ZNF33B: variants seen among roughly 807,000 people sequenced by gnomAD.
ZNF33B encodes zinc finger protein 11b (KOX 2).
In ZNF33B, 29 loss-of-function variants were observed where a neutral mutation model predicts 45.8. The observed-to-expected ratio is 0.63, with a 90% CI of 0.47 to 0.86. The LOEUF is 0.86. Among genes scored for constraint, ZNF33B ranks in the 40% least tolerant of loss-of-function variants. ZNF33B has a pLI of 0.00. For missense variants in ZNF33B, 831 were observed against 909.9 expected (o/e 0.91, Z 1.12); for synonymous variants, 305 against 307.8 (o/e 0.99, Z 0.10).
At chr10:42,604,682 G>A (rs901284184) in intron 4 of ZNF33B, among the ~76,000 whole-genome samples, 30 of 152,278 alleles carry the variant, frequency 2.0e-4, no homozygotes, top group African/African-American at 7.0e-4. Context: ...GGAGGCCAAG[G>A]CAAGCAAATC....
downstream of ZNF33B, among the ~76,000 whole-genome samples, chr10:42,587,036 T>A (rs1307496220): frequency 4.6e-5 from 7 of 152,070 alleles, no homozygotes; most frequent in Admixed American, 2.6e-4. Flanking sequence ...GGCCCTCACA[T>A]GTCAGAAAGG....
Position 42,592,956 on chromosome 10 carries a change from T to C in ZNF33B, c.1994A>G (p.Tyr665Cys). 1.2e-6 allele frequency: 2 copies of C among 1,613,810 alleles called. No homozygotes were observed. The highest frequency in any genetic ancestry group is 1.7e-6 in the Non-Finnish European group (2 of 1,179,936). Reference protein sequence around the residue: ...HQRTHTQEKPYKCNECGKSFC... With the variant: ...HQRTHTQEKPCKCNECGKSFC... ...AGATTTTCCACATTCGTTACATTTA[T>C]AAGGCTTTTCTTGTGTATGGGTTCT... Residue 665 changes from tyrosine (Y) to cysteine (C), a missense_variant, in exon 5 of 5, where the codon TAT becomes TGT. Tyr to Cys is a radical substitution (Grantham distance 194, BLOSUM62 -2). Coordinates refer to ENST00000359467, the MANE Select transcript of ZNF33B (RefSeq NM_006955.3).
At position 42,592,682 on chromosome 10, in the gene ZNF33B, T is replaced by G; in HGVS notation, c.2268A>C (p.Lys756Asn). 6.2e-7 allele frequency: 1 copy of G among 1,614,092 alleles called. No individual in the cohort carries two copies. Among genetic ancestry groups the G allele is most frequent in the Non-Finnish European group, 8.5e-7 (1 of 1,179,964 alleles). Residue 756 changes from lysine (K) to asparagine (N), a missense_variant, in exon 5 of 5, where the codon AAA (lysine) becomes AAC (asparagine). Lys to Asn is a moderately conservative substitution (Grantham distance 94). Coordinates refer to ENST00000359467, the MANE Select transcript of ZNF33B (RefSeq NM_006955.3). ...TGAGATTTGACTTTTGAGAGAAGGT[T>G]TTCCTGCATGTGTTACATTCATAGG... ...EKPYECNTCR[K>N]TFSQKSNLIV...
chr10:42,606,637 C>T (rs1837867072), intron 4 of ZNF33B, among the ~76,000 whole-genome samples: 1 of 151,638 alleles, frequency 6.6e-6, no homozygotes, highest in Non-Finnish European at 1.5e-5. Flanking sequence ...TAAAAGACAT[C>T]AACACATGAA....
chr10:42,622,676 G>C (rs1263134619), intron 4 of ZNF33B, among the ~76,000 whole-genome samples: 1 of 152,118 alleles, frequency 6.6e-6, no homozygotes, highest in African/African-American at 2.4e-5. Context: ...TAGATTAGAG[G>C]TTACCACAGG....
At chr10:42,614,641 G>A (rs1266293763) in intron 4 of ZNF33B, among the ~76,000 whole-genome samples, 1 of 152,062 alleles carries the variant, frequency 6.6e-6, no homozygotes, top group Admixed American at 6.6e-5. Context: ...TACATAAATA[G>A]CCAACAGGTG....
chr10:42,593,748 G>GT lies in ZNF33B; in HGVS notation c.1201dup (p.Thr401AsnfsTer16), dbSNP rs1215830128. ...CCCTGTATGTGTTCTCTGGTGTAAT[G>GT]TGAGGGCTGACTTATGGCTAAAGGC... is the stretch of plus-strand genomic sequence containing the variant. On this transcript the variant is annotated frameshift_variant, in exon 5 of 5. Coordinates refer to ENST00000359467, the MANE Select transcript of ZNF33B (RefSeq NM_006955.3). LOFTEE classifies it high-confidence loss of function. 1.2e-6 allele frequency: 2 copies of GT among 1,613,922 alleles called. No individual in the cohort carries two copies. The highest frequency in any genetic ancestry group is 1.7e-6 in the Non-Finnish European group (2 of 1,179,916).
chr10:42,579,572 A>G (rs150491767), intron 1 of ZNF33B, among the ~76,000 whole-genome samples: 5 of 152,288 alleles, frequency 3.3e-5, no homozygotes, highest in Non-Finnish European at 7.4e-5. Flanking sequence ...GTGTGCATCC[A>G]AAAAGTACAA....
At position 42,606,689 on chromosome 10, in the gene ZNF33B, T is replaced by C. The variant is rs151186652; in HGVS notation, c.251-11990A>G. Among the ~76,000 whole-genome samples the C allele has an allele frequency of 8.6e-5, 13 of 151,062 alleles. No individual in the cohort carries two copies. In the East Asian group the frequency reaches 1.8e-3, roughly 20 times the overall value. ...ACACACACTGGGGCCTATTGAGGGG[T>C]TGGGGGCAAGGGGAAGAAACTTAAG... On this transcript the variant is annotated intron_variant, in intron 4 of 4. Transcript: ENST00000359467.
At chr10:42,631,717 T>C in intron 4 of ZNF33B, 2 of 523,212 alleles carry the variant, frequency 3.8e-6, no homozygotes, top group Admixed American at 6.6e-5. Context: ...GTAAGAATGG[T>C]AAACCTTCAA....
In ZNF33B at chr10:42,593,682, TA is replaced by T. The variant is rs745890502; in HGVS notation, c.1267del (p.Tyr423ThrfsTer30). On this transcript the variant is annotated frameshift_variant, in exon 5 of 5. Transcript: ENST00000359467. LOFTEE classifies it high-confidence loss of function. ...ATGTTTAGTGAGGTCAGATTTCTGG[TA>T]AAAAGTTTTCCCACATGCATTACAC... ...YQCNACGKTFYQKSDLTKHQR... is the reference protein window; with the variant it reads ...YQCNACGKTFXQKSDLTKHQR... 1.2e-6 allele frequency: 2 copies of T among 1,613,456 alleles called. No homozygotes were observed. The highest frequency in any genetic ancestry group is 1.1e-5 in the South Asian group (1 of 91,058).
At chr10:42,630,516 C>T (rs1304879233) in intron 4 of ZNF33B, among the ~76,000 whole-genome samples, 1 of 152,180 alleles carries the variant, frequency 6.6e-6, no homozygotes, top group Non-Finnish European at 1.5e-5. Flanking sequence ...GAAGGACCAG[C>T]CATTACTTCT....
rs1175033364 is a variant in ZNF33B, at chr10:42,592,769, T to C, written c.2181A>G (p.Gly727=). 2 of 1,614,116 alleles carry C rather than the reference T, an allele frequency of 1.2e-6. No individual in the cohort carries two copies. Among genetic ancestry groups the C allele is most frequent in the Non-Finnish European group, 1.7e-6 (2 of 1,179,994 alleles). Residue 727 remains glycine (G), a synonymous_variant, in exon 5 of 5, where the codon GGA becomes GGG. Coordinates refer to ENST00000359467, the MANE Select transcript of ZNF33B (RefSeq NM_006955.3). ...GGTCTGATTTACGGTAAAAGATTTT[T>C]CCACATTCATTACACTGACAAGATT... ...GEKSCQCNEC[G]KIFYRKSDLA...
At position 42,593,033 on chromosome 10, in the gene ZNF33B, A is replaced by T; in HGVS notation, c.1917T>A (p.Cys639Ter). 6.2e-7 allele frequency: 1 copy of T among 1,614,080 alleles called. No homozygotes were observed. The highest frequency in any genetic ancestry group is 8.5e-7 in the Non-Finnish European group (1 of 1,179,982). ...RIHIGEKPYE[C>*]NECGKAFCHK... ...GGCAGAAAGCTTTTCCACACTCATTACATTCATAGGGTTTCTCCCCTATGT... is the reference window on the plus strand; with the variant it reads ...GGCAGAAAGCTTTTCCACACTCATTTCATTCATAGGGTTTCTCCCCTATGT... Residue 639 changes from cysteine (C) to a stop codon, truncating the protein, a stop_gained, in exon 5 of 5, where the codon TGT (cysteine) becomes TGA (stop). Coordinates refer to ENST00000359467, the MANE Select transcript of ZNF33B (RefSeq NM_006955.3). LOFTEE classifies it high-confidence loss of function.
At chr10:42,636,622 G>A (rs117068205) in intron 2 of ZNF33B, among the ~76,000 whole-genome samples, 6,159 of 152,198 alleles carry the variant, frequency 0.04, 182 homozygotes, top group Non-Finnish European at 0.057. Flanking sequence ...AGGAGTTTGC[G>A]ACCAGCCAGG....
downstream of ZNF33B, among the ~76,000 whole-genome samples, chr10:42,587,804 T>G (rs1836966749): frequency 6.6e-6 from 1 of 152,100 alleles, no homozygotes; most frequent in African/African-American, 2.4e-5. Flanking sequence ...ACTGGTACCT[T>G]TTTCTCTTCT....
In ZNF33B at chr10:42,593,826, T is replaced by A; in HGVS notation, c.1124A>T (p.His375Leu). 6.2e-7 allele frequency: 1 copy of A among 1,614,114 alleles called. No individual in the cohort carries two copies. Among genetic ancestry groups the A allele is most frequent in the Non-Finnish European group, 8.5e-7 (1 of 1,179,968 alleles). Residue 375 changes from histidine (H) to leucine (L), a missense_variant, in exon 5 of 5, where the codon CAT becomes CTT. Coordinates refer to ENST00000359467, the MANE Select transcript of ZNF33B (RefSeq NM_006955.3). Reference protein sequence around the residue: ...TFWEKSNLTKHQRSHTGEKPF... With the variant: ...TFWEKSNLTKLQRSHTGEKPF... ...TTTCTCCCCTGTGTGTGATCTCTGA[T>A]GTTTAGTGAGGTTTGACTTCTCCCA...
intron 4 of ZNF33B, among the ~76,000 whole-genome samples, chr10:42,616,417 T>C (rs1044870145): frequency 6.6e-6 from 1 of 152,164 alleles, no homozygotes; most frequent in African/African-American, 2.4e-5. Flanking sequence ...TGATATGCAT[T>C]GTTCTTACAG....
chr10:42,585,436 G>C (rs548904210), downstream of ZNF33B, among the ~76,000 whole-genome samples: 1 of 152,216 alleles, frequency 6.6e-6, no homozygotes, highest in Non-Finnish European at 1.5e-5. Context: ...CTGAAGACAG[G>C]CTAATGCAGA....
Sources: allele counts gnomAD v4.1 joint callset (sites outside exome capture counted in the v4.1 genomes callset), GRCh38; gene constraint gnomAD v4.1.1; transcripts MANE v1.5; gene names NCBI Gene and HGNC (gene_info 2026-07-23, HGNC 2026-07-21).